ROR1: variants seen among roughly 807,000 people sequenced by gnomAD.
ROR1 encodes ROR family WNT receptor 1.
A neutral mutation model predicts 78.8 loss-of-function variants in ROR1; 19 were observed. The observed-to-expected ratio is 0.24, with a 90% CI of 0.17 to 0.35. The LOEUF is 0.35. ROR1 is among the 10% of genes least tolerant of loss of function. ROR1 has a pLI of 1.00. For synonymous variants in ROR1, 386 were observed against 433.6 expected, an observed-to-expected ratio of 0.89 and a Z score of 1.36; for missense variants, 917 against 1,177.8, an observed-to-expected ratio of 0.78 and a Z score of 3.24.
intron 7 of ROR1, among the ~76,000 whole-genome samples, chr1:64,145,887 C>G (rs1483932706): frequency 6.6e-6 from 1 of 152,166 alleles, no homozygotes; most frequent in Non-Finnish European, 1.5e-5. Flanking sequence ...TTTGCTGATA[C>G]AGAAGCTGAG....
At chr1:64,080,721 A>G (rs1273211373) in intron 4 of ROR1, among the ~76,000 whole-genome samples, 1 of 152,218 alleles carries the variant, frequency 6.6e-6, no homozygotes, top group East Asian at 1.9e-4. Context: ...ACTCTGGGCC[A>G]AGAGTACGGA....
intron 1 of ROR1, among the ~76,000 whole-genome samples, chr1:64,000,471 C>T (rs1646373849): frequency 6.6e-6 from 1 of 152,168 alleles, no homozygotes; most frequent in Non-Finnish European, 1.5e-5. Flanking sequence ...TTTGGGTCCA[C>T]TCATTTGAAC....
At chr1:64,147,855 TC>T (rs954722254) in intron 7 of ROR1, among the ~76,000 whole-genome samples, 8 of 152,234 alleles carry the variant, frequency 5.3e-5, no homozygotes, top group African/African-American at 1.7e-4. Context: ...AATTTCATCT[TC>T]CAGGGAACAT....
intron 1 of ROR1, among the ~76,000 whole-genome samples, chr1:63,814,971 T>G (rs1012877916): frequency 3.9e-5 from 6 of 152,216 alleles, no homozygotes; most frequent in African/African-American, 1.2e-4. Context: ...GCTAGGAGTT[T>G]GAATCTGCTT....
intron 1 of ROR1, among the ~76,000 whole-genome samples, chr1:63,891,110 A>G (rs2100388814): frequency 6.6e-6 from 1 of 152,300 alleles, no homozygotes; most frequent in African/African-American, 2.4e-5. Context: ...TGCTAATCAA[A>G]TACACAAAAT....
At chr1:63,961,221 C>G (rs1394767312) in intron 1 of ROR1, among the ~76,000 whole-genome samples, 1 of 152,066 alleles carries the variant, frequency 6.6e-6, no homozygotes, top group Non-Finnish European at 1.5e-5. Context: ...AACGGGGAAC[C>G]CATACACTGT....
At chr1:63,945,364 A>G (rs1352403374) in intron 1 of ROR1, among the ~76,000 whole-genome samples, 1 of 145,366 alleles carries the variant, frequency 6.9e-6, no homozygotes, top group Non-Finnish European at 1.5e-5. Context: ...AATATTTTTT[A>G]TTATTTTCCA....
chr1:63,890,675 A>G (rs188015587), intron 1 of ROR1, among the ~76,000 whole-genome samples: 16 of 152,092 alleles, frequency 1.1e-4, no homozygotes, highest in Non-Finnish European at 2.2e-4. Context: ...AAGGAAGGGA[A>G]ATGAAAGTTT....
chr1:64,089,847 G>T (rs1243531232), intron 4 of ROR1, among the ~76,000 whole-genome samples: 1 of 152,102 alleles, frequency 6.6e-6, no homozygotes, highest in Non-Finnish European at 1.5e-5. Flanking sequence ...CACGTGTTGT[G>T]GCAGAGACCT....
intron 1 of ROR1, among the ~76,000 whole-genome samples, chr1:63,924,762 G>A (rs927212807): frequency 1.3e-5 from 2 of 151,956 alleles, no homozygotes; most frequent in African/African-American, 4.8e-5. Context: ...GAGCAGCACA[G>A]GAGGGCCTGG....
At chr1:64,128,423 C>T (rs1190227122) in intron 4 of ROR1, among the ~76,000 whole-genome samples, 5 of 151,854 alleles carry the variant, frequency 3.3e-5, no homozygotes, top group African/African-American at 1.2e-4. Flanking sequence ...GAGCTGTGGT[C>T]TCACCACCGC....
chr1:64,015,398 T>C (rs963895216), intron 2 of ROR1, among the ~76,000 whole-genome samples: 5 of 152,174 alleles, frequency 3.3e-5, no homozygotes, highest in Non-Finnish European at 7.3e-5. Context: ...CAGATACATC[T>C]TAGACTCAGC....
At chr1:63,938,523 G>T (rs888108389) in intron 1 of ROR1, among the ~76,000 whole-genome samples, 1 of 152,116 alleles carries the variant, frequency 6.6e-6, no homozygotes, top group Non-Finnish European at 1.5e-5. Context: ...AGGCCTGAGT[G>T]TGCCCACTTG....
At chr1:63,895,927 A>G (rs1645435653) in intron 1 of ROR1, among the ~76,000 whole-genome samples, 4 of 152,074 alleles carry the variant, frequency 2.6e-5, no homozygotes, top group Admixed American at 1.3e-4. Context: ...CATCTGTGAG[A>G]TTAGAACTAT....
chr1:64,116,365 A>T (rs1648316240), intron 4 of ROR1, among the ~76,000 whole-genome samples: 1 of 152,172 alleles, frequency 6.6e-6, no homozygotes, highest in Admixed American at 6.5e-5. Flanking sequence ...CACATGTTAG[A>T]TATAAAGGAG....
At chr1:63,994,955 G>A (rs1205966148) in intron 1 of ROR1, among the ~76,000 whole-genome samples, 1 of 152,210 alleles carries the variant, frequency 6.6e-6, no homozygotes, top group African/African-American at 2.4e-5. Context: ...GTGGGAGGAG[G>A]GAGAGCCCTC....
chr1:64,034,726 C>T (rs755102605), intron 2 of ROR1, among the ~76,000 whole-genome samples: 2 of 152,148 alleles, frequency 1.3e-5, no homozygotes, highest in Non-Finnish European at 2.9e-5. Flanking sequence ...ATTGATAGAT[C>T]AGAGGGTCAG....
intron 1 of ROR1, among the ~76,000 whole-genome samples, chr1:63,792,389 G>A (rs1644732462): frequency 6.6e-6 from 1 of 152,132 alleles, no homozygotes; most frequent in South Asian, 2.1e-4. Flanking sequence ...TCACAGATGA[G>A]GCATTCTTAG....
intron 4 of ROR1, among the ~76,000 whole-genome samples, chr1:64,070,889 A>G: frequency 6.6e-6 from 1 of 152,222 alleles, no homozygotes; most frequent in African/African-American, 2.4e-5. Context: ...GTCTGGGGGT[A>G]GGAAATGGGC....
Sources: allele counts gnomAD v4.1 joint callset (sites outside exome capture counted in the v4.1 genomes callset), GRCh38; gene constraint gnomAD v4.1.1; transcripts MANE v1.5; gene names NCBI Gene and HGNC (gene_info 2026-07-23, HGNC 2026-07-21).